The following RABL2A variants were observed in gnomAD, a reference collection of about 807,000 sequenced individuals.
The protein encoded by RABL2A is rab-like protein 2A.
A neutral mutation model predicts 30.7 loss-of-function variants in RABL2A; 17 were observed. The observed-to-expected ratio is 0.55, with a 90% confidence interval of 0.38 to 0.83. The LOEUF is 0.83. RABL2A is among the 40% of genes least tolerant of loss of function. RABL2A has a pLI of 0.00. For synonymous variants in RABL2A, 64 were observed against 101.8 expected, an observed-to-expected ratio of 0.63 and a Z score of 2.24; for missense variants, 155 against 272.6, an observed-to-expected ratio of 0.57 and a Z score of 3.04.
rs1024471062 is a variant in RABL2A at position 113,637,878 on chromosome 2, T to A, written c.297+2748T>A. 4.1e-5 allele frequency: 51 copies of A among 1,246,050 alleles called. No individual in the cohort carries two copies. In the African/African-American group the frequency reaches 7.7e-4, roughly 19 times the overall value. 77.2% of individuals were successfully genotyped at this position (1,246,050 alleles called of 1,614,324 possible). ...CTCTTCTGAAGGCCTGGGGTGTCTC[T>A]CCTGCCACCATGCCTGTGTCTGCAG... On this transcript the variant is annotated intron_variant, in intron 5 of 8. Transcript: ENST00000683472.
chr2:113,642,997 T>C lies in RABL2A; in HGVS notation c.*868T>C. On this transcript the variant is annotated 3_prime_UTR_variant, in exon 9 of 9. Coordinates refer to ENST00000683472, the MANE Select transcript of RABL2A (RefSeq NM_001306158.2). ...ATTCCAGATTTCCGTGTACCCACTC[T>C]GTTTCAGGAGCTCTTCTAGGTAAAG... is the stretch of plus-strand genomic sequence containing the variant. 2.8e-6 allele frequency: 1 copy of C among 357,378 alleles called. No individual in the cohort carries two copies. The highest frequency in any genetic ancestry group is 5.4e-6 in the Non-Finnish European group (1 of 185,534). 22.1% of individuals were successfully genotyped at this position (357,378 alleles called of 1,614,324 possible). A position where few individuals can be genotyped will look rare whatever the true frequency, so the allele number is the denominator to read the frequency against.
intron 5 of RABL2A, 57 bp downstream of exon 5, chr2:113,635,187 A>AG (rs1248267137): frequency 1.9e-6 from 3 of 1,568,080 alleles, no homozygotes; most frequent in Non-Finnish European, 2.6e-6. Context: ...CTGAGGGGTG[A>AG]GGGGCCTAGC....
At chr2:113,633,681 T>C (rs1681327162) in intron 3 of RABL2A, 1 of 200,912 alleles carries the variant, frequency 5.0e-6, no homozygotes, top group Non-Finnish European at 1.0e-5. Context: ...TTTAACCCTT[T>C]TTCTCAGGGT....
Position 113,638,060 on chromosome 2 carries a change from C to G in RABL2A, c.298-2834C>G, listed in dbSNP as rs1441684099. On this transcript the variant is annotated intron_variant, in intron 5 of 8. Transcript: ENST00000683472. ...GGGATGCTCCTCATTCTAGCCAGTT[C>G]CTCCTCAGCTCTCAAAACAAGGAAC... The G allele has an allele frequency of 3.0e-6, 3 of 985,438 alleles. No individual in the cohort carries two copies. The East Asian group carries it at 3.4e-4, about 112-fold the overall frequency. The allele number at this position is 985,438 out of a possible 1,614,324, so 61.0% of individuals were successfully genotyped here.
At position 113,643,281 on chromosome 2, in the gene RABL2A, T is replaced by C; in HGVS notation, c.*1152T>C. ...CCTGTTCACCCCTCTCTGGTACTTG[T>C]GGCTTGCTAGTATGTTTTTATGATA... On this transcript the variant is annotated 3_prime_UTR_variant, in exon 9 of 9. Transcript: ENST00000683472. The C allele has an allele frequency of 2.9e-6, 1 of 346,716 alleles. No individual in the cohort carries two copies. The highest frequency in any genetic ancestry group is 2.1e-5 in the South Asian group (1 of 47,270). 21.5% of individuals were successfully genotyped at this position (346,716 alleles called of 1,614,324 possible). A position where few individuals can be genotyped will look rare whatever the true frequency, so the allele number is the denominator to read the frequency against.
At chr2:113,637,848 A>T (rs1463441111) in intron 5 of RABL2A, 2 of 1,276,666 alleles carry the variant, frequency 1.6e-6, no homozygotes, top group Admixed American at 4.8e-5. Context: ...GGCTCCCCTC[A>T]GACCCTCTTC....
chr2:113,629,689 C>G (rs1452483007), intron 2 of RABL2A, among the ~76,000 whole-genome samples: 1 of 152,174 alleles, frequency 6.6e-6, no homozygotes. Context: ...CGCCCGCCAC[C>G]ACACCCAGCT....
chr2:113,640,930 C>A lies in RABL2A; in HGVS notation c.334C>A (p.Leu112Met), dbSNP rs780172866. The change falls in exon 6 of 9, where the codon CTG becomes ATG. Residue 112 changes from leucine (L) to methionine (M), a missense_variant. Physicochemically the swap from Leu to Met is conservative, Grantham distance 15. Transcript: ENST00000683472. ...DIQRKVTYRNLSTWYTELREF... is the reference protein window; with the variant it reads ...DIQRKVTYRNMSTWYTELREF... ...ACAGAGGAAAGTCACCTATAGGAACCTGAGCACCTGGTATACAGAGCTTCG... is the reference window on the plus strand; with the variant it reads ...ACAGAGGAAAGTCACCTATAGGAACATGAGCACCTGGTATACAGAGCTTCG... The A allele has an allele frequency of 3.1e-6, 5 of 1,613,850 alleles. No homozygotes were observed. The highest frequency in any genetic ancestry group is 1.3e-5 in the African/African-American group (1 of 74,964).
At chr2:113,627,567 A>C (rs1038897256) in intron 1 of RABL2A, among the ~76,000 whole-genome samples, 167 bp downstream of exon 1, 1 of 152,064 alleles carries the variant, frequency 6.6e-6, no homozygotes, top group Admixed American at 6.5e-5. Context: ...ATGCCTGGAC[A>C]TGGTTGGTGG....
chr2:113,630,889 G>GT (rs200505384), intron 2 of RABL2A, among the ~76,000 whole-genome samples: 2,381 of 151,802 alleles, frequency 0.016, 52 homozygotes, highest in East Asian at 0.1. Flanking sequence ...AAGACATGGT[G>GT]TTTTTTTGTT....
At chr2:113,628,261 A>G (rs1573915573) in intron 1 of RABL2A, 1 of 286,092 alleles carries the variant, frequency 3.5e-6, no homozygotes. Context: ...AGGAGAGTAA[A>G]ACAGAGCTAG....
intron 2 of RABL2A, among the ~76,000 whole-genome samples, chr2:113,629,350 A>G (rs2104478875): frequency 6.6e-6 from 1 of 152,282 alleles, no homozygotes; most frequent in East Asian, 1.9e-4. Flanking sequence ...TTATCTCCCA[A>G]GTACTCCAGG....
intron 7 of RABL2A, 58 bp downstream of exon 7, chr2:113,641,508 C>T (rs1685163092): frequency 6.2e-7 from 1 of 1,611,408 alleles, no homozygotes; most frequent in African/African-American, 1.3e-5. Context: ...TAAAGGGAAG[C>T]TGTGAAGAGA....
intron 5 of RABL2A, among the ~76,000 whole-genome samples, chr2:113,639,308 CAAAG>C (rs983505777): frequency 1.3e-5 from 2 of 151,454 alleles, no homozygotes; most frequent in Non-Finnish European, 2.9e-5. Flanking sequence ...GCAGAAAGAA[CAAAG>C]AAGTAAACAA....
intron 3 of RABL2A, chr2:113,633,838 G>T (rs114411886): frequency 5.3e-6 from 2 of 379,720 alleles, no homozygotes; most frequent in South Asian, 5.6e-5. Context: ...TTGAGTTGGG[G>T]TATCCACTTT....
chr2:113,642,095 C>T lies in RABL2A; in HGVS notation c.656C>T (p.Thr219Ile), dbSNP rs775146334. The T allele has an allele frequency of 1.2e-6, 2 of 1,613,526 alleles. No homozygotes were observed. Among genetic ancestry groups the T allele is most frequent in the African/African-American group, 2.7e-5 (2 of 74,670 alleles). The part of the protein sequence containing the change: ...PDQEQSSSIE[T>I]PSEEVASPHS The stretch of plus-strand genomic sequence containing the variant: ...CAGGAACAGAGCAGCAGCATCGAGA[C>T]CCCATCAGAGGAGGTGGCCTCTCCC... The change falls in exon 9 of 9, where the codon ACC (threonine) becomes ATC (isoleucine). Residue 219 changes from threonine to isoleucine, a missense_variant. Coordinates refer to ENST00000683472, the MANE Select transcript of RABL2A (RefSeq NM_001306158.2).
At position 113,641,162 on chromosome 2, in the gene RABL2A, T is replaced by G. The variant is rs1462675219; in HGVS notation, c.409+157T>G. On this transcript the variant is annotated intron_variant, in intron 6 of 8. Coordinates refer to ENST00000683472, the MANE Select transcript of RABL2A (RefSeq NM_001306158.2). ...TTGGTTGCTTGCATTCTTCCCACCTTATAAAGAAGCCAGCTAAGCCGACCT... is the reference window on the plus strand; with the variant it reads ...TTGGTTGCTTGCATTCTTCCCACCTGATAAAGAAGCCAGCTAAGCCGACCT... 52 of 881,192 alleles carry G rather than the reference T, an allele frequency of 5.9e-5. No homozygotes were observed. In the Admixed American group the frequency reaches 1.4e-3, roughly 24 times the overall value. 54.6% of individuals were successfully genotyped at this position (881,192 alleles called of 1,614,324 possible).
chr2:113,634,833 T>A (rs987390192), intron 4 of RABL2A, among the ~76,000 whole-genome samples: 1 of 152,152 alleles, frequency 6.6e-6, no homozygotes. Context: ...TGACCCACTG[T>A]CTTCCCATAC....
chr2:113,628,629 C>A lies in RABL2A; in HGVS notation c.23C>A (p.Pro8Gln). Residue 8 changes from proline (P) to glutamine (Q), a missense_variant, in exon 2 of 9, where the codon CCG (proline) becomes CAG (glutamine). By Grantham distance (76) the Pro-to-Gln change is moderately conservative. Transcript: ENST00000683472. ...CCAATGGCAGAAGACAAAACCAAAC[C>A]GAGTGAGTTGGACCAAGGGAAGTAT... Reference protein sequence around the residue: MAEDKTKPSELDQGKYDA... With the variant: MAEDKTKQSELDQGKYDA... 3 of 1,531,110 alleles carry A rather than the reference C, an allele frequency of 2.0e-6. No individual in the cohort carries two copies. In the East Asian group the frequency reaches 6.8e-5, roughly 35 times the overall value. The allele number at this position is 1,531,110 out of a possible 1,614,324, so 94.8% of individuals were successfully genotyped here.
Sources: gnomAD v4.1 joint callset for allele counts (sites outside exome capture counted in the v4.1 genomes callset) on GRCh38, gnomAD v4.1.1 for gene constraint, MANE v1.5 for transcripts, NCBI Gene and HGNC (gene_info 2026-07-23, HGNC 2026-07-21) for gene names.